CCDC63: variants seen among roughly 807,000 people sequenced by gnomAD.
The protein encoded by CCDC63 is coiled-coil domain-containing protein 63.
A neutral mutation model predicts 63.6 loss-of-function variants in CCDC63; 54 were observed. The ratio of observed to expected loss-of-function variants is 0.85; its 90% CI spans 0.68 to 1.07. The LOEUF is 1.07. Among genes scored for constraint, CCDC63 ranks in the 50% least tolerant of loss-of-function variants. The pLI is 0.00. For missense variants in CCDC63, 637 were observed against 689.6 expected (o/e 0.92, Z 0.86); for synonymous variants, 253 against 266.1 (o/e 0.95, Z 0.48).
In CCDC63 at chr12:110,879,932, G is replaced by C. The variant is rs780834578; in HGVS notation, c.516G>C (p.Leu172=). The C allele has an allele frequency of 6.2e-7, 1 of 1,614,136 alleles. No individual in the cohort carries two copies. ...NLVTVHFDKM[L]TTNAKLRKEI... is the part of the protein sequence containing the mutation. ...TCACTGTTCACTTTGACAAGATGCT[G>C]ACCACTAATGCCAAGCTCCGGAAGG... is the stretch of plus-strand genomic sequence containing the variant. Residue 172 remains leucine (L), a synonymous_variant, in exon 6 of 12, where the codon CTG becomes CTC. Coordinates refer to ENST00000308208, the MANE Select transcript of CCDC63 (RefSeq NM_152591.3).
intron 4 of CCDC63, among the ~76,000 whole-genome samples, chr12:110,867,793 G>T (rs1190935195): frequency 8.5e-6 from 1 of 117,822 alleles, no homozygotes; most frequent in African/African-American, 3.2e-5. Context: ...GGCTGGCCGG[G>T]CTGAGGGGCT....
rs140908394 is a variant in CCDC63, at chr12:110,871,407, C to T, written c.370-2435C>T. The stretch of plus-strand genomic sequence containing the variant: ...CCACCTGCCTCGGACTCCCAAAGTG[C>T]TGGGATTACAGGCGTGAGCCACTGC... On this transcript the variant is annotated intron_variant, in intron 4 of 11. Coordinates refer to ENST00000308208, the MANE Select transcript of CCDC63 (RefSeq NM_152591.3). Among the ~76,000 whole-genome samples, 222 of 152,256 alleles carry T rather than the reference C, an allele frequency of 1.5e-3. 1 individual carries two copies. The highest frequency in any genetic ancestry group is 4.9e-3 in the African/African-American group (205 of 41,548).
At chr12:110,876,104 T>C (rs2071126059) in intron 5 of CCDC63, among the ~76,000 whole-genome samples, 1 of 94,370 alleles carries the variant, frequency 1.1e-5, no homozygotes. Flanking sequence ...AGAACCTGTC[T>C]CAAAAAAAAA....
chr12:110,850,229 C>T lies in CCDC63; in HGVS notation c.-96-2630C>T, dbSNP rs372938773. Among the ~76,000 whole-genome samples the T allele has an allele frequency of 2.0e-5, 3 of 152,208 alleles. No individual in the cohort carries two copies. In the East Asian group the frequency reaches 5.8e-4, roughly 29 times the overall value. On this transcript the variant is annotated intron_variant, in intron 1 of 11. Transcript: ENST00000308208. ...AGAAAGGATGGAAAGGTCACATCCA[C>T]TTCTTAAAAGTCATGATCTGGAAGT...
At chr12:110,873,560 T>C (rs2136683630) in intron 4 of CCDC63, among the ~76,000 whole-genome samples, 1 of 152,296 alleles carries the variant, frequency 6.6e-6, no homozygotes, top group Non-Finnish European at 1.5e-5. Context: ...GTGAGTGACA[T>C]TTACATGCAC....
At chr12:110,880,968 G>C (rs1433346086) in intron 6 of CCDC63, 147 bp from the exon 7 acceptor site, 2 of 639,506 alleles carry the variant, frequency 3.1e-6, no homozygotes, top group African/African-American at 1.9e-5. Flanking sequence ...TTCAGGTAAG[G>C]AGGATTGTTT....
chr12:110,907,525 T>C lies in CCDC63; in HGVS notation c.*49T>C, dbSNP rs114184372. On this transcript the variant is annotated 3_prime_UTR_variant, in exon 12 of 12. Transcript: ENST00000308208. This position sits in a 1 kb window ranked among gnomAD's most constrained non-coding sequence, Gnocchi z 4.4. The stretch of plus-strand genomic sequence containing the variant: ...GCAACATAACCGAAAGAATAAATGT[T>C]TTGTTCTGTAGCCTCGTGCCTGTCA... The C allele has an allele frequency of 9.6e-4, 1,547 of 1,609,442 alleles. 16 individuals are homozygous for C. In the African/African-American group the frequency reaches 0.018, roughly 19 times the overall value.
chr12:110,867,172 G>GGCAGA (rs2070968844), intron 4 of CCDC63, among the ~76,000 whole-genome samples: 1 of 143,948 alleles, frequency 6.9e-6, no homozygotes, highest in Admixed American at 6.8e-5. Context: ...GCCGGGCGGG[G>GGCAGA]GGCTGACACC....
At chr12:110,878,610 C>T (rs2071162241) in intron 5 of CCDC63, among the ~76,000 whole-genome samples, 1 of 152,174 alleles carries the variant, frequency 6.6e-6, no homozygotes, top group African/African-American at 2.4e-5. Context: ...CCACTGTGCC[C>T]AGCCCCCACT....
At chr12:110,887,653 A>T (rs571082562) in intron 8 of CCDC63, among the ~76,000 whole-genome samples, 18 of 151,978 alleles carry the variant, frequency 1.2e-4, no homozygotes, top group Non-Finnish European at 2.6e-4. Context: ...ATTAAAAACA[A>T]TTAGAATTCT....
chr12:110,876,553 T>C (rs1444961382), intron 5 of CCDC63, among the ~76,000 whole-genome samples: 3 of 152,062 alleles, frequency 2.0e-5, no homozygotes, highest in African/African-American at 7.2e-5. Flanking sequence ...CATGCCCCGG[T>C]TGCTTCACTT....
chr12:110,852,837 T>C, intron 1 of CCDC63, 22 bp from the exon 2 acceptor site: 6 of 1,551,590 alleles, frequency 3.9e-6, no homozygotes, highest in Non-Finnish European at 4.4e-6. Flanking sequence ...ACAAGTTCTC[T>C]TCCTTTTGCC....
At chr12:110,871,586 G>C (rs1347218756) in intron 4 of CCDC63, among the ~76,000 whole-genome samples, 2 of 137,884 alleles carry the variant, frequency 1.5e-5, no homozygotes, top group African/African-American at 5.4e-5. Flanking sequence ...TTGAGACAGA[G>C]ACTTGCTCTG....
intron 5 of CCDC63, among the ~76,000 whole-genome samples, chr12:110,874,341 G>A (rs575771003): frequency 5.4e-4 from 82 of 152,182 alleles, no homozygotes; most frequent in African/African-American, 1.6e-3. Context: ...TTTTGTTGTC[G>A]GTGTTGTCTC....
chr12:110,895,618 G>A (rs1235909173), intron 9 of CCDC63, among the ~76,000 whole-genome samples: 1 of 152,156 alleles, frequency 6.6e-6, no homozygotes, highest in Non-Finnish European at 1.5e-5. Context: ...TTGCAGAAAA[G>A]TCACTTCCTA....
Position 110,866,082 on chromosome 12 carries a change from A to G in CCDC63, c.369+7307A>G, listed in dbSNP as rs893514116. Among the ~76,000 whole-genome samples the G allele has an allele frequency of 1.9e-4, 29 of 152,096 alleles. 1 individual carries two copies. Among genetic ancestry groups the G allele is most frequent in the Non-Finnish European group, 7.3e-5 (5 of 68,030 alleles). On this transcript the variant is annotated intron_variant, in intron 4 of 11. Coordinates refer to ENST00000308208, the MANE Select transcript of CCDC63 (RefSeq NM_152591.3). ...AACCTCTGCCTCCCAGGTTCAAGCA[A>G]TTCTCATGCCTCAGCCTGCCAAGTA...
At chr12:110,904,136 A>G (rs950074731) in intron 10 of CCDC63, among the ~76,000 whole-genome samples, 2 of 152,098 alleles carry the variant, frequency 1.3e-5, no homozygotes, top group African/African-American at 4.8e-5. Context: ...CGGAAGGATC[A>G]CTTGAGCCTA....
At chr12:110,853,355 T>G in intron 2 of CCDC63, 50 bp from the exon 3 acceptor site, 1 of 1,566,920 alleles carries the variant, frequency 6.4e-7, no homozygotes, top group Non-Finnish European at 8.6e-7. Context: ...TGTGGGCTTC[T>G]CTAGCCACCT....
chr12:110,896,856 TG>T (rs2071421189), intron 9 of CCDC63, among the ~76,000 whole-genome samples: 3 of 152,210 alleles, frequency 2.0e-5, no homozygotes, highest in Non-Finnish European at 4.4e-5. Flanking sequence ...GACTTTACTG[TG>T]CACCAGGATC....
Sources: allele counts gnomAD v4.1 joint callset (sites outside exome capture counted in the v4.1 genomes callset), GRCh38; gene constraint gnomAD v4.1.1; non-coding constraint Gnocchi (gnomAD v3.1); transcripts MANE v1.5; gene names NCBI Gene and HGNC (gene_info 2026-07-23, HGNC 2026-07-21).